NKAIN1: variants seen among roughly 807,000 people sequenced by gnomAD.
The protein encoded by NKAIN1 is sodium/potassium transporting ATPase interacting 1.
In NKAIN1, 13 loss-of-function variants were observed where a neutral mutation model predicts 31.6. The observed-to-expected ratio is 0.41, with a 90% confidence interval of 0.27 to 0.65. The LOEUF is 0.65. Among genes scored for constraint, NKAIN1 ranks in the 30% least tolerant of loss-of-function variants. The probability of loss-of-function intolerance (pLI) is 0.30; values close to 1 mark genes in which losing one functional copy is unlikely to be tolerated. For synonymous variants in NKAIN1, 104 were observed against 109.0 expected, an observed-to-expected ratio of 0.95 and a Z score of 0.28; for missense variants, 193 against 262.2, an observed-to-expected ratio of 0.74 and a Z score of 1.82.
chr1:31,215,490 C>T (rs774383003), intron 1 of NKAIN1, among the ~76,000 whole-genome samples: 2 of 152,208 alleles, frequency 1.3e-5, no homozygotes, highest in Non-Finnish European at 2.9e-5. Context: ...CACTGAGGCT[C>T]AGACAGGTGT....
chr1:31,218,034 T>TTCTTTCTC (rs1557659904), intron 1 of NKAIN1, among the ~76,000 whole-genome samples: 4 of 96,726 alleles, frequency 4.1e-5, no homozygotes, highest in Non-Finnish European at 5.9e-5. Context: ...CTTTCTTTCT[T>TTCTTTCTC]TCTTTCTTTC....
At chr1:31,188,793 A>G (rs957402412) in intron 1 of NKAIN1, among the ~76,000 whole-genome samples, 15 of 152,276 alleles carry the variant, frequency 9.9e-5, no homozygotes, top group Middle Eastern at 6.8e-3. Context: ...ATGTTTGAAA[A>G]AGGCTTGAAA....
chr1:31,198,793 T>C (rs928606130), intron 1 of NKAIN1, among the ~76,000 whole-genome samples: 25 of 148,814 alleles, frequency 1.7e-4, no homozygotes, highest in Non-Finnish European at 3.0e-4. Flanking sequence ...ATAGGAACCT[T>C]CAGCCCCGAG....
chr1:31,207,042 T>C (rs1168494786), intron 1 of NKAIN1, among the ~76,000 whole-genome samples: 1 of 152,174 alleles, frequency 6.6e-6, no homozygotes, highest in African/African-American at 2.4e-5. Context: ...CCTGGCTGTA[T>C]GTGCTTTTTA....
At chr1:31,216,200 C>T (rs1645510614) in intron 1 of NKAIN1, among the ~76,000 whole-genome samples, 1 of 151,826 alleles carries the variant, frequency 6.6e-6, no homozygotes, top group Non-Finnish European at 1.5e-5. Flanking sequence ...GGGCCAGAGG[C>T]GGCTGGTTGG....
Position 31,239,441 on chromosome 1 carries a change from C to G in NKAIN1, c.54+53G>C. On this transcript the variant is annotated intron_variant, in intron 1 of 6. Coordinates refer to ENST00000373736, the MANE Select transcript of NKAIN1 (RefSeq NM_024522.3). This position sits in a 1 kb window ranked among gnomAD's most constrained non-coding sequence, Gnocchi z 4.8. The stretch of plus-strand genomic sequence containing the variant: ...CAACCCCACCCGCACGCCCTGGGAC[C>G]GCGCCCCGCCGCGCCCCACCCTGCC... 7.3e-7 allele frequency: 1 copy of G among 1,375,626 alleles called. No homozygotes were observed. Among genetic ancestry groups the G allele is most frequent in the South Asian group, 1.5e-5 (1 of 68,644 alleles). 85.2% of individuals were successfully genotyped at this position (1,375,626 alleles called of 1,614,324 possible). A position where few individuals can be genotyped will look rare whatever the true frequency, so the allele number is the denominator to read the frequency against.
At chr1:31,214,855 A>C (rs959199081) in intron 1 of NKAIN1, among the ~76,000 whole-genome samples, 3 of 152,194 alleles carry the variant, frequency 2.0e-5, no homozygotes, top group Admixed American at 6.5e-5. Flanking sequence ...AGGGAGGGAC[A>C]CCAAAGGGAA....
chr1:31,224,079 T>C (rs1024163571), intron 1 of NKAIN1, among the ~76,000 whole-genome samples: 1 of 152,158 alleles, frequency 6.6e-6, no homozygotes, highest in Non-Finnish European at 1.5e-5. Context: ...GGCATCTCCC[T>C]GTAAAGCGGT....
At position 31,196,512 on chromosome 1, in the gene NKAIN1, C is replaced by CAAAAAA. The variant is rs58194598; in HGVS notation, c.55-8331_55-8326dup. Among the ~76,000 whole-genome samples, 299 of 91,190 alleles carry CAAAAAA rather than the reference C, an allele frequency of 3.3e-3. 11 individuals carry two copies. The highest frequency in any genetic ancestry group is 4.6e-3 in the South Asian group (11 of 2,370). 59.8% of individuals were successfully genotyped at this position (91,190 alleles called of 152,430 possible). ...TGGGCAACAGAGTGAGACTCCTACT[C>CAAAAAA]AAAAAAAAAAAAAAAAATAGAAAAA... On this transcript the variant is annotated intron_variant, in intron 1 of 6. Transcript: ENST00000373736.
At chr1:31,212,555 C>G (rs1050842426) in intron 1 of NKAIN1, among the ~76,000 whole-genome samples, 4 of 152,110 alleles carry the variant, frequency 2.6e-5, no homozygotes, top group African/African-American at 9.7e-5. Flanking sequence ...CAGGCACACA[C>G]CACCAAACCC....
intron 1 of NKAIN1, among the ~76,000 whole-genome samples, chr1:31,212,057 A>G (rs927202016): frequency 6.6e-6 from 1 of 152,162 alleles, no homozygotes; most frequent in Admixed American, 6.5e-5. Flanking sequence ...AAAACTTACA[A>G]TGACAAAGTT....
At chr1:31,219,316 T>C (rs933276264) in intron 1 of NKAIN1, among the ~76,000 whole-genome samples, 1 of 152,248 alleles carries the variant, frequency 6.6e-6, no homozygotes, top group Admixed American at 6.5e-5. Flanking sequence ...CTAGGACACA[T>C]GTGTAAGCTA....
At chr1:31,187,851 C>A (rs529024844) in intron 2 of NKAIN1, among the ~76,000 whole-genome samples, 199 bp downstream of exon 2, 15 of 150,796 alleles carry the variant, frequency 9.9e-5, no homozygotes, top group Middle Eastern at 3.4e-3. Context: ...CTAAAAAATT[C>A]TTCAGGAAAA....
At chr1:31,186,792 G>C (rs1428853570) in intron 2 of NKAIN1, among the ~76,000 whole-genome samples, 1 of 152,238 alleles carries the variant, frequency 6.6e-6, no homozygotes, top group Non-Finnish European at 1.5e-5. Context: ...TGGAAGGAGA[G>C]GGCTGGGATG....
chr1:31,217,569 T>A (rs1186321056), intron 1 of NKAIN1, among the ~76,000 whole-genome samples: 1 of 152,222 alleles, frequency 6.6e-6, no homozygotes, highest in Non-Finnish European at 1.5e-5. Flanking sequence ...GGGGAAAGGC[T>A]CTAGCAGCAG....
At chr1:31,232,571 G>A (rs890276868) in intron 1 of NKAIN1, among the ~76,000 whole-genome samples, 3 of 150,346 alleles carry the variant, frequency 2.0e-5, no homozygotes, top group Admixed American at 1.3e-4. Flanking sequence ...TTACAGGTGT[G>A]AGCCACCGCA....
At chr1:31,198,380 T>C (rs1231855504) in intron 1 of NKAIN1, among the ~76,000 whole-genome samples, 2 of 152,146 alleles carry the variant, frequency 1.3e-5, no homozygotes, top group East Asian at 1.9e-4. Context: ...GAACAGCTCA[T>C]TGTGAACTCC....
In NKAIN1 at chr1:31,233,863, TA is replaced by T. The variant is rs1441126539; in HGVS notation, c.54+5630del. On this transcript the variant is annotated intron_variant, in intron 1 of 6. Transcript: ENST00000373736. The surrounding 1 kb of genome is among the most constrained non-coding windows in gnomAD (Gnocchi z 4.0). The stretch of plus-strand genomic sequence containing the variant: ...AGAAGCTGTTTTTCTGACTACTTTG[TA>T]AGTAAGAAGGCAGAGGCTCAGAGAG... Among the ~76,000 whole-genome samples the T allele has an allele frequency of 6.6e-6, 1 of 152,194 alleles. No individual in the cohort carries two copies. Among genetic ancestry groups the T allele is most frequent in the Non-Finnish European group, 1.5e-5 (1 of 68,030 alleles).
At chr1:31,223,478 T>G (rs1645579331) in intron 1 of NKAIN1, among the ~76,000 whole-genome samples, 1 of 152,000 alleles carries the variant, frequency 6.6e-6, no homozygotes. Context: ...TCTCGCTCTG[T>G]CGCCCAGGCT....
Sources: gnomAD v4.1 joint callset for allele counts (sites outside exome capture counted in the v4.1 genomes callset) on GRCh38, gnomAD v4.1.1 for gene constraint, Gnocchi (gnomAD v3.1) non-coding constraint, MANE v1.5 for transcripts, NCBI Gene and HGNC (gene_info 2026-07-23, HGNC 2026-07-21) for gene names.